The following PSORS1C1 variants were observed in gnomAD, a reference collection of about 807,000 sequenced individuals.
PSORS1C1 encodes the protein psoriasis susceptibility 1 candidate gene 1 protein.
Under a neutral mutation model 9.4 loss-of-function variants are expected in PSORS1C1, and 7 were observed. The ratio of observed to expected loss-of-function variants is 0.75; its 90% confidence interval spans 0.42 to 1.40. PSORS1C1 has a LOEUF of 1.40. Ranked by LOEUF, PSORS1C1 falls within the 40% of genes most tolerant of loss-of-function variation. The pLI, the probability that PSORS1C1 is intolerant of heterozygous loss-of-function variation, is 0.01. For missense variants in PSORS1C1, 146 were observed against 178.1 expected (o/e 0.82, Z 1.02); for synonymous variants, 63 against 69.4 (o/e 0.91, Z 0.46).
chr6:31,134,201 G>A (rs1386638490), intron 3 of PSORS1C1, among the ~76,000 whole-genome samples: 3 of 151,350 alleles, frequency 2.0e-5, no homozygotes, highest in South Asian at 2.1e-4. Context: ...GGCTGGTCTC[G>A]AACTCCTGAC....
chr6:31,116,798 AG>A (rs1306367187), intron 1 of PSORS1C1: 2 of 1,613,706 alleles, frequency 1.2e-6, no homozygotes, highest in South Asian at 1.1e-5. Context: ...CCATTGCTAC[AG>A]GGGGGACCTT....
Position 31,139,614 on chromosome 6 carries a change from C to G in PSORS1C1, c.168-27C>G. On this transcript the variant is annotated intron_variant, in intron 5 of 5. Coordinates refer to ENST00000259881, the MANE Select transcript of PSORS1C1 (RefSeq NM_014068.3). The surrounding 1 kb of genome is among the most constrained non-coding windows in gnomAD (Gnocchi z 5.2). ...CCCTTCCCCCATGGGATCCAGGCAT[C>G]CTGCTCTCCACCATGTCCTTCTTCA... 6.2e-7 allele frequency: 1 copy of G among 1,602,118 alleles called. No homozygotes were observed. The highest frequency in any genetic ancestry group is 1.1e-5 in the South Asian group (1 of 90,700).
chr6:31,138,013 CA>C, intron 3 of PSORS1C1: 1 of 1,524,332 alleles, frequency 6.6e-7, no homozygotes, highest in East Asian at 2.3e-5. Context: ...TTGTCCACCT[CA>C]GGGGCAGGAG....
In PSORS1C1 at chr6:31,115,010, A is replaced by C; in HGVS notation, c.-229+119A>C. 7.4e-6 allele frequency: 3 copies of C among 407,818 alleles called. No homozygotes were observed. In the Admixed American group the frequency reaches 8.5e-5, roughly 12 times the overall value. 25.3% of individuals were successfully genotyped at this position (407,818 alleles called of 1,614,324 possible). On this transcript the variant is annotated intron_variant, in intron 1 of 5. Transcript: ENST00000259881. This position sits in a 1 kb window ranked among gnomAD's most constrained non-coding sequence, Gnocchi z 4.2. Reference sequence around the variant, plus strand: ...AGGGGGACCCCACGGTGAATGAGGAATGGGAAGAGAATGGATTTCCTGGAG... The same window carrying C: ...AGGGGGACCCCACGGTGAATGAGGACTGGGAAGAGAATGGATTTCCTGGAG...
chr6:31,134,333 C>T lies in PSORS1C1; in HGVS notation c.14-4097C>T, dbSNP rs1262313760. The stretch of plus-strand genomic sequence containing the variant: ...TGTTTGTTTTTTTGAGATGGAGTCT[C>T]GCTCTGTCGCCCAGGCTGGAGTGCA... On this transcript the variant is annotated intron_variant, in intron 3 of 5. Transcript: ENST00000259881. 4.4e-5 allele frequency among the ~76,000 whole-genome samples: 6 copies of T among 136,848 alleles called. No homozygotes were observed. The East Asian group carries it at 9.1e-4, about 21-fold the overall frequency. 89.8% of individuals were successfully genotyped at this position (136,848 alleles called of 152,430 possible).
chr6:31,129,741 G>A (rs1772826072), intron 3 of PSORS1C1, 96 bp downstream of exon 3: 1 of 749,276 alleles, frequency 1.3e-6, no homozygotes, highest in South Asian at 1.4e-5. Flanking sequence ...TAGGAGAGAA[G>A]GAAGGGATAC....
intron 1 of PSORS1C1, chr6:31,117,657 G>A: frequency 1.3e-6 from 1 of 768,684 alleles, no homozygotes; most frequent in Non-Finnish European, 2.2e-6. Flanking sequence ...TTTAGGGATG[G>A]AGAAAGGAGG....
chr6:31,124,639 C>G (rs1299200067), intron 1 of PSORS1C1, among the ~76,000 whole-genome samples: 2 of 152,134 alleles, frequency 1.3e-5, no homozygotes, highest in East Asian at 3.8e-4. Context: ...GTGCAAAATT[C>G]CTTATGTATA....
At chr6:31,114,929 T>C in intron 1 of PSORS1C1, 38 bp downstream of exon 1, 1 of 188,382 alleles carries the variant, frequency 5.3e-6, no homozygotes, top group South Asian at 3.6e-5. Context: ...GGAGTTTGGG[T>C]GGGGAGGGGA....
intron 2 of PSORS1C1, among the ~76,000 whole-genome samples, chr6:31,127,332 T>C (rs1029696106): frequency 2.6e-5 from 4 of 152,048 alleles, no homozygotes; most frequent in African/African-American, 7.3e-5. Flanking sequence ...TACTGCCCAG[T>C]GTCTCCCTGG....
At chr6:31,121,670 C>T (rs190886587) in intron 1 of PSORS1C1, among the ~76,000 whole-genome samples, 25 of 152,318 alleles carry the variant, frequency 1.6e-4, no homozygotes, top group Admixed American at 1.2e-3. Context: ...TCCCCTCACC[C>T]AAACTCACTT....
chr6:31,126,756 C>T (rs916505568), intron 2 of PSORS1C1, among the ~76,000 whole-genome samples: 7 of 152,128 alleles, frequency 4.6e-5, no homozygotes, highest in Admixed American at 3.9e-4. Context: ...AAGTGGGGTT[C>T]TGCCCACCAA....
chr6:31,118,065 A>C (rs1772265831), intron 1 of PSORS1C1: 2 of 156,556 alleles, frequency 1.3e-5, no homozygotes, highest in Admixed American at 1.2e-4. Context: ...TCCAGGCGTA[A>C]ATTCTTAGGG....
At chr6:31,138,888 A>G (rs748678632) in intron 5 of PSORS1C1, 109 bp downstream of exon 5, 11 of 1,599,632 alleles carry the variant, frequency 6.9e-6, no homozygotes, top group Non-Finnish European at 6.9e-6. Context: ...CCTGTCCCCA[A>G]CCCCATGCGT....
At position 31,139,077 on chromosome 6, in the gene PSORS1C1, G is replaced by A. The variant is rs373830723; in HGVS notation, c.167+298G>A. ...GGGTGGGCTGAGTCTGGGTGCCTGG[G>A]AACCCCAAGAGGCTTTATAGGGGAG... On this transcript the variant is annotated intron_variant, in intron 5 of 5. Coordinates refer to ENST00000259881, the MANE Select transcript of PSORS1C1 (RefSeq NM_014068.3). This position sits in a 1 kb window ranked among gnomAD's most constrained non-coding sequence, Gnocchi z 5.2. 8.6e-5 allele frequency: 133 copies of A among 1,538,122 alleles called. No individual in the cohort carries two copies. Among genetic ancestry groups the A allele is most frequent in the African/African-American group, 8.4e-4 (62 of 73,440 alleles).
chr6:31,129,427 C>A, intron 2 of PSORS1C1, 142 bp from the exon 3 acceptor site: 1 of 596,490 alleles, frequency 1.7e-6, no homozygotes, highest in Non-Finnish European at 3.0e-6. Flanking sequence ...TCCATACCAT[C>A]CAGGCCCACT....
chr6:31,129,365 T>C (rs1008573499), intron 2 of PSORS1C1, among the ~76,000 whole-genome samples: 1 of 152,194 alleles, frequency 6.6e-6, no homozygotes. Context: ...GAACCAGCAT[T>C]GTCTAATCTG....
In PSORS1C1 at chr6:31,125,705, G is replaced by A. The variant is rs3131003; in HGVS notation, c.-199G>A. ...CGATCAAGGGTGGAATCTACAGTCC[G>A]TGAGCCCTGACTTCTTGCCTTCGTC... On this transcript the variant is annotated 5_prime_UTR_variant, in exon 2 of 6. The change creates a new upstream start codon in the 5' untranslated region. Transcript: ENST00000259881. 0.52 allele frequency: 78,280 copies of A among 151,778 alleles called. 21,349 individuals carry two copies. Among genetic ancestry groups the A allele is most frequent in the African/African-American group, 0.69 (28,737 of 41,362 alleles). The allele number at this position is 151,778 out of a possible 1,614,324, so 9.4% of individuals were successfully genotyped here. A position where few individuals can be genotyped will look rare whatever the true frequency, so the allele number is the denominator to read the frequency against.
rs2233951 is a variant in PSORS1C1, at chr6:31,138,211, C to T, written c.14-219C>T. On this transcript the variant is annotated intron_variant, in intron 3 of 5. Transcript: ENST00000259881. ...GGGGGTGCCCCTGGCCAAGGGTCAC[C>T]GGGGACTGGGGGGCCCTGAGGCAAT... 3.4e-3 allele frequency: 5,318 copies of T among 1,570,334 alleles called. 177 individuals are homozygous for T. The East Asian group carries it at 0.057, about 17-fold the overall frequency.
Sources: gnomAD v4.1 joint callset for allele counts (sites outside exome capture counted in the v4.1 genomes callset) on GRCh38, gnomAD v4.1.1 for gene constraint, Gnocchi (gnomAD v3.1) non-coding constraint, MANE v1.5 for transcripts, NCBI Gene and HGNC (gene_info 2026-07-23, HGNC 2026-07-21) for gene names.